The following PPARGC1A variants were observed in gnomAD, a reference collection of about 807,000 sequenced individuals.
PPARGC1A encodes the protein PPARG coactivator 1 alpha, also known as peroxisome proliferator-activated receptor gamma coactivator 1-alpha.
Under a neutral mutation model 88.7 loss-of-function variants are expected in PPARGC1A, and 25 were observed. The observed-to-expected ratio is 0.28, with a 90% CI of 0.21 to 0.39. The LOEUF (loss-of-function observed/expected upper bound fraction) is 0.39, where lower values mean the gene tolerates loss of function less well. PPARGC1A is among the 10% of genes least tolerant of loss of function. PPARGC1A has a pLI of 1.00. For synonymous variants in PPARGC1A, 363 were observed against 355.6 expected (o/e 1.02, Z -0.24); for missense variants, 880 against 968.7 (o/e 0.91, Z 1.22).
chr4:24,268,295 G>A, the PPARGC1A span, among the ~76,000 whole-genome samples: 1 of 152,212 alleles, frequency 6.6e-6, no homozygotes, highest in Non-Finnish European at 1.5e-5. Context: ...ACAGAATCCA[G>A]TATTAACCAA....
At chr4:24,429,297 A>C in the PPARGC1A span, among the ~76,000 whole-genome samples, 1 of 152,180 alleles carries the variant, frequency 6.6e-6, no homozygotes, top group Non-Finnish European at 1.5e-5. Context: ...ACACACTCAC[A>C]CAGTTTTTTA....
chr4:24,213,461 C>T, the PPARGC1A span, among the ~76,000 whole-genome samples: 4 of 152,292 alleles, frequency 2.6e-5, no homozygotes, highest in Non-Finnish European at 4.4e-5. Context: ...CCACCGCGCC[C>T]GGCCGATTCT....
chr4:24,202,616 G>A, the PPARGC1A span, among the ~76,000 whole-genome samples: 51 of 152,244 alleles, frequency 3.3e-4, no homozygotes, highest in African/African-American at 1.2e-3. Context: ...CAAAAGGTTG[G>A]AAAACTGTCC....
chr4:24,070,935 C>G, the PPARGC1A span, among the ~76,000 whole-genome samples: 3 of 152,150 alleles, frequency 2.0e-5, no homozygotes, highest in African/African-American at 7.2e-5. Context: ...GCAACAGAGG[C>G]CTTATGGCCA....
the PPARGC1A span, among the ~76,000 whole-genome samples, chr4:24,102,562 G>A: frequency 6.6e-6 from 1 of 152,214 alleles, no homozygotes; most frequent in African/African-American, 2.4e-5. Flanking sequence ...TTTCCGAATT[G>A]CATTTAACAG....
At chr4:24,259,099 TG>T in the PPARGC1A span, among the ~76,000 whole-genome samples, 2 of 152,178 alleles carry the variant, frequency 1.3e-5, no homozygotes, top group Admixed American at 1.3e-4. Flanking sequence ...CCCAGAAAGA[TG>T]GCACCTTCAG....
At chr4:24,150,240 TAAG>T in the PPARGC1A span, among the ~76,000 whole-genome samples, 2 of 152,106 alleles carry the variant, frequency 1.3e-5, no homozygotes, top group Admixed American at 6.6e-5. Flanking sequence ...AACTATTGAG[TAAG>T]AAGGTCAGTA....
chr4:24,248,869 G>T, the PPARGC1A span, among the ~76,000 whole-genome samples: 2 of 152,148 alleles, frequency 1.3e-5, no homozygotes, highest in African/African-American at 2.4e-5. Context: ...GAATGCACAT[G>T]GCAAGCTCAG....
intron 2 of PPARGC1A, chr4:23,882,150 C>T (rs550032532): frequency 6.6e-6 from 1 of 152,156 alleles, no homozygotes; most frequent in African/African-American, 2.4e-5. Flanking sequence ...CCCTTTGCCT[C>T]GATAAAGAAT....
the PPARGC1A span, among the ~76,000 whole-genome samples, chr4:23,921,464 G>A: frequency 6.6e-6 from 1 of 152,226 alleles, no homozygotes; most frequent in Non-Finnish European, 1.5e-5. Flanking sequence ...ATTCGGTTTG[G>A]CTGCCCTTAC....
At chr4:23,988,202 T>C in the PPARGC1A span, among the ~76,000 whole-genome samples, 1 of 152,120 alleles carries the variant, frequency 6.6e-6, no homozygotes, top group East Asian at 1.9e-4. Flanking sequence ...GACATTTGGG[T>C]TGGTTCCAGG....
At chr4:23,949,913 G>A in the PPARGC1A span, among the ~76,000 whole-genome samples, 1 of 152,106 alleles carries the variant, frequency 6.6e-6, no homozygotes, top group Non-Finnish European at 1.5e-5. Context: ...GAATTCTGCT[G>A]AAAGCACATA....
At chr4:24,128,219 C>T in the PPARGC1A span, among the ~76,000 whole-genome samples, 1 of 152,210 alleles carries the variant, frequency 6.6e-6, no homozygotes, top group South Asian at 2.1e-4. Context: ...TGGTTTACCA[C>T]TCACCAGCTC....
the PPARGC1A span, among the ~76,000 whole-genome samples, chr4:24,134,991 C>T: frequency 6.6e-6 from 1 of 152,188 alleles, no homozygotes; most frequent in Non-Finnish European, 1.5e-5. Flanking sequence ...TGCTTTGATT[C>T]TCCACCTGCT....
At chr4:24,418,723 A>G in the PPARGC1A span, among the ~76,000 whole-genome samples, 1 of 152,358 alleles carries the variant, frequency 6.6e-6, no homozygotes, top group African/African-American at 2.4e-5. Context: ...CAGGACCTCT[A>G]TAAACATAGC....
At chr4:23,968,032 T>G in the PPARGC1A span, among the ~76,000 whole-genome samples, 21 of 152,160 alleles carry the variant, frequency 1.4e-4, no homozygotes, top group Middle Eastern at 3.2e-3. Context: ...AAGGAAGTAC[T>G]TGGCACTAGC....
chr4:24,322,993 T>C, the PPARGC1A span, among the ~76,000 whole-genome samples: 43 of 152,208 alleles, frequency 2.8e-4, no homozygotes, highest in Admixed American at 1.8e-3. Flanking sequence ...TACTATCACA[T>C]CATCCATCAT....
chr4:23,904,032 G>A (rs796233145), upstream of PPARGC1A: 3 of 982,234 alleles, frequency 3.1e-6, no homozygotes, highest in African/African-American at 5.2e-5. Context: ...CCCAACATGT[G>A]TGTCATTCAT....
upstream of PPARGC1A, among the ~76,000 whole-genome samples, chr4:23,901,221 T>C (rs562721034): frequency 6.6e-6 from 1 of 152,026 alleles, no homozygotes; most frequent in East Asian, 1.9e-4. Flanking sequence ...ATATAAAAAA[T>C]TAGCCAGGCG....
Sources: gnomAD v4.1 joint callset for allele counts (sites outside exome capture counted in the v4.1 genomes callset) on GRCh38, gnomAD v4.1.1 for gene constraint, MANE v1.5 for transcripts, NCBI Gene and HGNC (gene_info 2026-07-23, HGNC 2026-07-21) for gene names.